KIAA0825: variants seen among roughly 807,000 people sequenced by gnomAD.
KIAA0825 encodes KIAA0825.
A neutral mutation model predicts 147.6 loss-of-function variants in KIAA0825; 119 were observed. That is an observed-to-expected ratio of 0.81 (90% confidence interval 0.69 to 0.94). The LOEUF is 0.94. KIAA0825 is among the 40% of genes least tolerant of loss of function. KIAA0825 has a pLI of 0.00. For missense variants in KIAA0825, 1,381 were observed against 1,472.7 expected (o/e 0.94, Z 1.02); for synonymous variants, 470 against 518.1 (o/e 0.91, Z 1.26).
chr5:94,411,782 A>G (rs2150680270), intron 15 of KIAA0825, among the ~76,000 whole-genome samples: 1 of 151,950 alleles, frequency 6.6e-6, no homozygotes, highest in African/African-American at 2.4e-5. Flanking sequence ...CCCCACTTCT[A>G]CTAAAAATAC....
intron 20 of KIAA0825, among the ~76,000 whole-genome samples, chr5:94,307,809 G>A (rs900748181): frequency 7.3e-5 from 11 of 151,572 alleles, no homozygotes; most frequent in South Asian, 4.1e-4. Context: ...TTATATTTTC[G>A]TTATCTTAAA....
chr5:94,390,507 C>T (rs535922158), intron 18 of KIAA0825, among the ~76,000 whole-genome samples: 47 of 152,286 alleles, frequency 3.1e-4, no homozygotes, highest in Non-Finnish European at 5.6e-4. Context: ...TGCTTTGTAA[C>T]AATTACAAAC....
intron 17 of KIAA0825, among the ~76,000 whole-genome samples, chr5:94,393,175 C>T (rs1355057669): frequency 6.6e-6 from 1 of 152,098 alleles, no homozygotes; most frequent in Non-Finnish European, 1.5e-5. Flanking sequence ...TTGGGACTGC[C>T]TATCAATCAT....
At chr5:94,557,114 A>T (rs186426083) in intron 2 of KIAA0825, among the ~76,000 whole-genome samples, 256 of 151,970 alleles carry the variant, frequency 1.7e-3, no homozygotes, top group African/African-American at 5.6e-3. Context: ...TTAATTAATT[A>T]ATTTATTTAT....
intron 20 of KIAA0825, among the ~76,000 whole-genome samples, chr5:94,287,814 T>G (rs1777723407): frequency 6.6e-6 from 1 of 152,142 alleles, no homozygotes; most frequent in Non-Finnish European, 1.5e-5. Context: ...ATCTTACTGG[T>G]GGTGCCAGGC....
intron 6 of KIAA0825, 135 bp downstream of exon 6, chr5:94,484,634 G>A: frequency 1.9e-6 from 1 of 523,226 alleles, no homozygotes. Flanking sequence ...TGCATGGTGT[G>A]CATTATACCA....
chr5:94,438,681 TG>T (rs1173582775), intron 14 of KIAA0825, among the ~76,000 whole-genome samples: 1 of 152,106 alleles, frequency 6.6e-6, no homozygotes, highest in Admixed American at 6.6e-5. Context: ...AAGTGCCTTT[TG>T]GGAACCAAAC....
At chr5:94,542,528 C>T (rs369622006) in intron 2 of KIAA0825, among the ~76,000 whole-genome samples, 14 of 152,220 alleles carry the variant, frequency 9.2e-5, no homozygotes, top group East Asian at 3.9e-4. Context: ...TGTTTTCGGC[C>T]GGGCACAGTG....
intron 3 of KIAA0825, 34 bp from the exon 4 acceptor site, chr5:94,524,132 G>A (rs1362277742): frequency 4.1e-6 from 6 of 1,446,312 alleles, no homozygotes; most frequent in Non-Finnish European, 5.7e-6. Context: ...TATTTTGGCA[G>A]GATATAGATA....
chr5:94,264,927 C>T lies in KIAA0825; in HGVS notation c.3711-110803G>A, dbSNP rs139175708. Among the ~76,000 whole-genome samples the T allele has an allele frequency of 2.9e-4, 44 of 151,784 alleles. No homozygotes were observed. The East Asian group carries it at 4.3e-3, about 15-fold the overall frequency. On this transcript the variant is annotated intron_variant, in intron 20 of 20. Coordinates refer to ENST00000682413, the MANE Select transcript of KIAA0825 (RefSeq NM_001145678.3). ...CCACCTGACTTGCTGGGATTACAGG[C>T]GCGTACCACCATGCCTGGCTAATTT...
intron 20 of KIAA0825, among the ~76,000 whole-genome samples, chr5:94,379,637 T>C (rs995489931): frequency 6.6e-6 from 1 of 152,142 alleles, no homozygotes; most frequent in African/African-American, 2.4e-5. Flanking sequence ...AAGAATGTTA[T>C]TGGTAGTTTG....
chr5:94,174,841 AT>A (rs1768945615), intron 20 of KIAA0825, among the ~76,000 whole-genome samples: 1 of 152,152 alleles, frequency 6.6e-6, no homozygotes, highest in African/African-American at 2.4e-5. Context: ...TTTAATACTT[AT>A]GGATTTTTTT....
intron 3 of KIAA0825, among the ~76,000 whole-genome samples, chr5:94,530,843 T>C (rs1770649218): frequency 6.6e-6 from 1 of 152,164 alleles, no homozygotes; most frequent in Non-Finnish European, 1.5e-5. Flanking sequence ...CGGGGCTTAC[T>C]TCCCACTGGC....
intron 20 of KIAA0825, among the ~76,000 whole-genome samples, chr5:94,232,016 G>A (rs997263922): frequency 6.6e-6 from 1 of 151,946 alleles, no homozygotes; most frequent in East Asian, 1.9e-4. Context: ...GTTGCTTTGG[G>A]GAAGAAAATA....
At chr5:94,255,930 T>A (rs575124073) in intron 20 of KIAA0825, among the ~76,000 whole-genome samples, 1 of 151,998 alleles carries the variant, frequency 6.6e-6, no homozygotes, top group Non-Finnish European at 1.5e-5. Context: ...CCTAGGCTTG[T>A]CTTGAAGTCC....
intron 20 of KIAA0825, among the ~76,000 whole-genome samples, chr5:94,303,625 G>C (rs1454066533): frequency 1.3e-5 from 2 of 152,038 alleles, no homozygotes; most frequent in Non-Finnish European, 2.9e-5. Flanking sequence ...TAAAGTAGAA[G>C]GTTCAAATTC....
intron 5 of KIAA0825, among the ~76,000 whole-genome samples, chr5:94,507,524 G>A (rs1765897691): frequency 6.9e-6 from 1 of 144,546 alleles, no homozygotes; most frequent in African/African-American, 2.6e-5. Context: ...AGGTGAATTA[G>A]CAAAATGATG....
At chr5:94,470,557 C>A (rs1178065634) in intron 9 of KIAA0825, among the ~76,000 whole-genome samples, 2 of 152,090 alleles carry the variant, frequency 1.3e-5, no homozygotes, top group Non-Finnish European at 2.9e-5. Flanking sequence ...TTGTAGATAT[C>A]AATTATCTCA....
chr5:94,320,092 T>C (rs1030037869), intron 20 of KIAA0825, among the ~76,000 whole-genome samples: 3 of 152,000 alleles, frequency 2.0e-5, no homozygotes, highest in Non-Finnish European at 4.4e-5. Context: ...ACAAATATTT[T>C]CTTACAGATG....
Sources: gnomAD v4.1 joint callset for allele counts (sites outside exome capture counted in the v4.1 genomes callset) on GRCh38, gnomAD v4.1.1 for gene constraint, MANE v1.5 for transcripts, NCBI Gene and HGNC (gene_info 2026-07-23, HGNC 2026-07-21) for gene names.